The following TTF2 variants were observed in gnomAD, a reference collection of about 807,000 sequenced individuals.
The protein encoded by TTF2 is RNA polymerase II termination factor.
A neutral mutation model predicts 142.4 loss-of-function variants in TTF2; 108 were observed. That is an observed-to-expected ratio of 0.76 (90% confidence interval 0.65 to 0.89). The LOEUF is 0.89. Ranked by LOEUF, TTF2 falls within the 40% of genes least tolerant of loss-of-function variation. The pLI, the probability that TTF2 is intolerant of heterozygous loss-of-function variation, is 0.00. For missense variants in TTF2, 1,327 were observed against 1,379.8 expected (o/e 0.96, Z 0.61); for synonymous variants, 483 against 506.2 (o/e 0.95, Z 0.61).
intron 20 of TTF2, among the ~76,000 whole-genome samples, chr1:117,096,658 G>GTT (rs1397973276): frequency 6.6e-6 from 1 of 152,306 alleles, no homozygotes; most frequent in East Asian, 1.9e-4. Flanking sequence ...GGTTACAGGC[G>GTT]TAAGCCACCG....
At position 117,088,983 on chromosome 1, in the gene TTF2, G is replaced by A. The variant is rs777869390; in HGVS notation, c.2342+1G>A. 1.4e-5 allele frequency: 22 copies of A among 1,603,742 alleles called. No individual in the cohort carries two copies. The highest frequency in any genetic ancestry group is 1.9e-5 in the Non-Finnish European group (22 of 1,175,320). Reference sequence around the variant, plus strand: ...TATTGGATATGTATTCGCTGCTGAAGTGAGTAACTTCTCGTGATTGTGTAA... The same window carrying A: ...TATTGGATATGTATTCGCTGCTGAAATGAGTAACTTCTCGTGATTGTGTAA... On this transcript the variant is annotated splice_donor_variant, in intron 13 of 22. Transcript: ENST00000369466. LOFTEE classifies it high-confidence loss of function.
In TTF2 at chr1:117,075,096, C is replaced by A. The variant is rs748024512; in HGVS notation, c.512C>A (p.Pro171His). 58 of 1,613,838 alleles carry A rather than the reference C, an allele frequency of 3.6e-5. No individual in the cohort carries two copies. The highest frequency in any genetic ancestry group is 2.9e-5 in the Non-Finnish European group (34 of 1,179,990). ...QLFDQKKEQK[P>H]EMMEKDLSSG... ...TTCGATCAAAAGAAAGAACAGAAGC[C>A]TGAAATGATGGAGAAAGACCTCTCA... Residue 171 changes from proline to histidine, a missense_variant, in exon 5 of 23, where the codon CCT (proline) becomes CAT (histidine). Transcript: ENST00000369466. This position sits in a 1 kb window ranked among gnomAD's most constrained non-coding sequence, Gnocchi z 4.5.
intron 3 of TTF2, among the ~76,000 whole-genome samples, chr1:117,071,318 G>A (rs1302697063): frequency 6.6e-6 from 1 of 150,738 alleles, no homozygotes; most frequent in African/African-American, 2.4e-5. Flanking sequence ...AACCACAACT[G>A]GAAAAAAATA....
chr1:117,071,753 T>TAGTTGGGA (rs1414624214), intron 3 of TTF2, among the ~76,000 whole-genome samples: 1 of 152,186 alleles, frequency 6.6e-6, no homozygotes, highest in Admixed American at 6.5e-5. Context: ...AGGCAAGTCA[T>TAGTTGGGA]AGTTGGGAAT....
chr1:117,065,385 T>A (rs747322105), intron 3 of TTF2, among the ~76,000 whole-genome samples: 7 of 152,198 alleles, frequency 4.6e-5, no homozygotes, highest in Non-Finnish European at 5.9e-5. Context: ...GATCACGAGG[T>A]CAGGAGATCG....
At chr1:117,065,339 C>T (rs565462406) in intron 3 of TTF2, among the ~76,000 whole-genome samples, 16 of 152,318 alleles carry the variant, frequency 1.1e-4, no homozygotes, top group South Asian at 1.0e-3. Context: ...CAGCTGGGCG[C>T]GGCAATCCTA....
In TTF2 at chr1:117,086,910, T is replaced by A. The variant is rs1424720013; in HGVS notation, c.2160+388T>A. Among the ~76,000 whole-genome samples the A allele has an allele frequency of 6.6e-6, 1 of 152,106 alleles. No homozygotes were observed. The highest frequency in any genetic ancestry group is 1.5e-5 in the Non-Finnish European group (1 of 68,000). On this transcript the variant is annotated intron_variant, in intron 12 of 22. Transcript: ENST00000369466. This position sits in a 1 kb window ranked among gnomAD's most constrained non-coding sequence, Gnocchi z 4.2. ...AGTATTTTACTACTAGTATTTTGATTTTAAGCCATCTTTCCCTGCCTCCCT... is the reference window on the plus strand; with the variant it reads ...AGTATTTTACTACTAGTATTTTGATATTAAGCCATCTTTCCCTGCCTCCCT...
rs1207405182 is a variant in TTF2, at chr1:117,070,396, A to G, written c.219-3265A>G. 1.3e-5 allele frequency among the ~76,000 whole-genome samples: 2 copies of G among 152,248 alleles called. No individual in the cohort carries two copies. The highest frequency in any genetic ancestry group is 2.9e-5 in the Non-Finnish European group (2 of 68,036). ...TGTTACTTTACTGAATACTGCAGGC[A>G]TTTGTAACACAGTGCTAAGTATTTG... On this transcript the variant is annotated intron_variant, in intron 3 of 22. Transcript: ENST00000369466. This position sits in a 1 kb window ranked among gnomAD's most constrained non-coding sequence, Gnocchi z 4.2.
rs564278169 is a variant in TTF2, at chr1:117,104,350, G to A, written c.*2826G>A. 5 of 152,240 alleles carry A rather than the reference G, an allele frequency of 3.3e-5. No homozygotes were observed. Among genetic ancestry groups the A allele is most frequent in the Non-Finnish European group, 7.3e-5 (5 of 68,046 alleles). The allele number at this position is 152,240 out of a possible 1,614,324, so 9.4% of individuals were successfully genotyped here. A position where few individuals can be genotyped will look rare whatever the true frequency, so the allele number is the denominator to read the frequency against. Reference sequence around the variant, plus strand: ...ACAACATGGTTGACCAGATAGATCAGTAATGTCAACTAGAAGGTATTAGAT... The same window carrying A: ...ACAACATGGTTGACCAGATAGATCAATAATGTCAACTAGAAGGTATTAGAT... On this transcript the variant is annotated 3_prime_UTR_variant, in exon 23 of 23. Coordinates refer to ENST00000369466, the MANE Select transcript of TTF2 (RefSeq NM_003594.4).
intron 13 of TTF2, among the ~76,000 whole-genome samples, chr1:117,089,436 C>A (rs1648373404): frequency 6.6e-6 from 1 of 152,040 alleles, no homozygotes; most frequent in Non-Finnish European, 1.5e-5. Context: ...TACCTGTAAT[C>A]TCCACACTTT....
In TTF2 at chr1:117,070,996, C is replaced by A. The variant is rs1443696770; in HGVS notation, c.219-2665C>A. Among the ~76,000 whole-genome samples, 1 of 151,806 alleles carries A rather than the reference C, an allele frequency of 6.6e-6. No homozygotes were observed. The highest frequency in any genetic ancestry group is 1.5e-5 in the Non-Finnish European group (1 of 67,970). ...CTAATTTAGGAAGTTAGAAAAAGAA[C>A]AATAAATTAAACTGAAGGAAAGCAG... On this transcript the variant is annotated intron_variant, in intron 3 of 22. Coordinates refer to ENST00000369466, the MANE Select transcript of TTF2 (RefSeq NM_003594.4). This position sits in a 1 kb window ranked among gnomAD's most constrained non-coding sequence, Gnocchi z 4.2.
chr1:117,074,134 C>T lies in TTF2; in HGVS notation c.285+407C>T, dbSNP rs548294670. Among the ~76,000 whole-genome samples, 3 of 152,240 alleles carry T rather than the reference C, an allele frequency of 2.0e-5. No individual in the cohort carries two copies. The South Asian group carries it at 6.2e-4, about 32-fold the overall frequency. ...GCATCTCCTAATAGGAGAAGCCCTA[C>T]AGATATTCAGTACGTGAGGAACTAG... On this transcript the variant is annotated intron_variant, in intron 4 of 22. Transcript: ENST00000369466.
Position 117,101,398 on chromosome 1 carries a change from A to G in TTF2, c.3363A>G (p.Thr1121=). 6.3e-7 allele frequency: 1 copy of G among 1,595,296 alleles called. No homozygotes were observed. The highest frequency in any genetic ancestry group is 8.5e-7 in the Non-Finnish European group (1 of 1,175,414). ...TTTTTAGATTTGTTTGTGAGGGAAC[A>G]GTAGAAGAAAAGATCTTACAGCTCC... ...VVIHRFVCEG[T]VEEKILQLQE... The change falls in exon 23 of 23, where the codon ACA becomes ACG. Residue 1121 remains threonine (T), a synonymous_variant. Coordinates refer to ENST00000369466, the MANE Select transcript of TTF2 (RefSeq NM_003594.4). The surrounding 1 kb of genome is among the most constrained non-coding windows in gnomAD (Gnocchi z 5.9).
At position 117,062,179 on chromosome 1, in the gene TTF2, G is replaced by C. The variant is rs777813711; in HGVS notation, c.132-208G>C. Among the ~76,000 whole-genome samples the C allele has an allele frequency of 9.8e-5, 15 of 152,312 alleles. No individual in the cohort carries two copies. In the Middle Eastern group the frequency reaches 0.017, roughly 173 times the overall value. On this transcript the variant is annotated intron_variant, in intron 2 of 22. Transcript: ENST00000369466. The stretch of plus-strand genomic sequence containing the variant: ...TTTTGAGTCATCAAGAAACAGTTAT[G>C]CTTTATTTGAGAAAGTGGGTAAAGA...
intron 3 of TTF2, among the ~76,000 whole-genome samples, chr1:117,066,131 C>T (rs1440371576): frequency 2.6e-5 from 4 of 151,638 alleles, no homozygotes; most frequent in Non-Finnish European, 5.9e-5. Context: ...GCCACTGCAC[C>T]CAGCCTGTTC....
intron 13 of TTF2, 78 bp downstream of exon 13, chr1:117,089,060 G>A (rs1570858677): frequency 2.1e-6 from 3 of 1,448,238 alleles, no homozygotes; most frequent in Non-Finnish European, 2.8e-6. Flanking sequence ...TCATAATAAA[G>A]CCTTAGTATG....
rs377536966 is a variant in TTF2, at chr1:117,101,537, A to G, written c.*13A>G. On this transcript the variant is annotated 3_prime_UTR_variant, in exon 23 of 23. Coordinates refer to ENST00000369466, the MANE Select transcript of TTF2 (RefSeq NM_003594.4). The surrounding 1 kb of genome is among the most constrained non-coding windows in gnomAD (Gnocchi z 5.9). ...TTTTGGCATCTAACCTCCTGTGGAT[A>G]AGGGCTCAGAATAGCACCATTGCTG... The G allele has an allele frequency of 1.9e-6, 3 of 1,577,886 alleles. No homozygotes were observed. Among genetic ancestry groups the G allele is most frequent in the Non-Finnish European group, 2.6e-6 (3 of 1,169,434 alleles).
rs938849463 is a variant in TTF2 at position 117,079,419 on chromosome 1, G to A, written c.1702-149G>A. The A allele has an allele frequency of 1.5e-4, 108 of 714,672 alleles. No individual in the cohort carries two copies. The Admixed American group carries it at 2.4e-3, about 16-fold the overall frequency. 44.3% of individuals were successfully genotyped at this position (714,672 alleles called of 1,614,324 possible). ...ATGGTTACCCTTGAGAGAGGGTGCT[G>A]TTAAGGACTTCAAGGTGAAATGAAC... is the stretch of plus-strand genomic sequence containing the variant. On this transcript the variant is annotated intron_variant, in intron 8 of 22. Transcript: ENST00000369466. This position sits in a 1 kb window ranked among gnomAD's most constrained non-coding sequence, Gnocchi z 4.2.
At position 117,097,468 on chromosome 1, in the gene TTF2, C is replaced by G. The variant is rs1388382938; in HGVS notation, c.3269+35C>G. On this transcript the variant is annotated intron_variant, in intron 21 of 22. Transcript: ENST00000369466. This position sits in a 1 kb window ranked among gnomAD's most constrained non-coding sequence, Gnocchi z 4.1. ...CCGGATTTGTCCTGGGTTGTCACAG[C>G]ACATCAAGGAGGCCAGTGGGCTACA... The G allele has an allele frequency of 1.1e-5, 18 of 1,598,432 alleles. No homozygotes were observed. The highest frequency in any genetic ancestry group is 1.3e-5 in the Non-Finnish European group (15 of 1,165,740).
Sources: gnomAD v4.1 joint callset for allele counts (sites outside exome capture counted in the v4.1 genomes callset) on GRCh38, gnomAD v4.1.1 for gene constraint, Gnocchi (gnomAD v3.1) non-coding constraint, MANE v1.5 for transcripts, NCBI Gene and HGNC (gene_info 2026-07-23, HGNC 2026-07-21) for gene names.